The following DBNDD2 variants were observed in gnomAD, a reference collection of about 807,000 sequenced individuals.
DBNDD2 encodes dysbindin domain-containing protein 2.
A neutral mutation model predicts 14.0 loss-of-function variants in DBNDD2; 8 were observed. The observed-to-expected ratio is 0.57, with a 90% CI of 0.33 to 1.03. DBNDD2 has a LOEUF of 1.03. DBNDD2 is among the 50% of genes least tolerant of loss of function. The pLI is 0.03. For synonymous variants in DBNDD2, 94 were observed against 85.3 expected (o/e 1.10, Z -0.56); for missense variants, 194 against 206.0 (o/e 0.94, Z 0.36).
In DBNDD2 at chr20:45,408,789, C is replaced by A. The variant is rs2743272; in HGVS notation, c.140-12C>A. The A allele has an allele frequency of 1.2e-6, 2 of 1,613,432 alleles. No individual in the cohort carries two copies. Among genetic ancestry groups the A allele is most frequent in the East Asian group, 4.5e-5 (2 of 44,880 alleles). ...TTGGGTCCTCCTGACTTGCCCACTT[C>A]TTGATCCGCAGCCCCCATAGGTAGT... is the stretch of plus-strand genomic sequence containing the variant. On this transcript the variant is annotated splice_polypyrimidine_tract_variant and intron_variant, in intron 1 of 2. Transcript: ENST00000372710.
At chr20:45,407,178 G>C, upstream of DBNDD2, 1 of 428,868 alleles carries the variant, frequency 2.3e-6, no homozygotes, top group Non-Finnish European at 3.1e-6. Context: ...CGCTGCTGGA[G>C]CACAGGCTCC....
chr20:45,410,028 C>T lies in DBNDD2; in HGVS notation c.374C>T (p.Thr125Ile), dbSNP rs368669359. Residue 125 changes from threonine to isoleucine, a missense_variant, in exon 3 of 3, where the codon ACC becomes ATC. Thr to Ile is a moderately conservative substitution (Grantham distance 89). Coordinates refer to ENST00000372710, the MANE Select transcript of DBNDD2 (RefSeq NM_001048225.4). The part of the protein sequence containing the change: ...TSSSSSSDSS[T>I]NLHSPNPSDD... ...TCCTCCTCCTCCTCCGACTCCTCCA[C>T]CAACCTGCATAGCCCAAATCCAAGT... 10 of 1,552,826 alleles carry T rather than the reference C, an allele frequency of 6.4e-6. No individual in the cohort carries two copies. In the African/African-American group the frequency reaches 1.2e-4, roughly 19 times the overall value.
intron 2 of DBNDD2, 94 bp downstream of exon 2, chr20:45,409,032 C>G: frequency 6.2e-7 from 1 of 1,612,944 alleles, no homozygotes; most frequent in Admixed American, 1.7e-5. Context: ...TGGGGAAGTA[C>G]ACAAGTAAGG....
chr20:45,406,359 C>T, upstream of DBNDD2: 1 of 1,210,912 alleles, frequency 8.3e-7, no homozygotes, highest in Non-Finnish European at 1.1e-6. Context: ...GGGGCGGGGG[C>T]GCAGCAAGTG....
rs377714510 is a variant in DBNDD2, at chr20:45,408,510, C to T, written c.43C>T (p.Arg15Cys). The T allele has an allele frequency of 3.3e-5, 53 of 1,614,144 alleles. No individual in the cohort carries two copies. The highest frequency in any genetic ancestry group is 1.6e-4 in the Middle Eastern group (1 of 6,084). ...GGCCGCCCTGGAGCGCCAGCAGCTC[C>T]GCCTTCGGGAGCGGCAAAAATTCTT... Reference protein sequence around the residue: ...PRAALERQQLRLRERQKFFED... With the variant: ...PRAALERQQLCLRERQKFFED... Residue 15 changes from arginine to cysteine, a missense_variant, in exon 1 of 3, where the codon CGC becomes TGC. Physicochemically the swap from Arg to Cys is radical, Grantham distance 180. Coordinates refer to ENST00000372710, the MANE Select transcript of DBNDD2 (RefSeq NM_001048225.4).
chr20:45,406,476 G>T (rs1027078100), upstream of DBNDD2: 1 of 1,527,016 alleles, frequency 6.5e-7, no homozygotes, highest in African/African-American at 1.4e-5. Flanking sequence ...CTTTTTGACC[G>T]CCTTGGAAGT....
rs1223183512 is a variant in DBNDD2, at chr20:45,410,144, T to C, written c.*4T>C. On this transcript the variant is annotated 3_prime_UTR_variant, in exon 3 of 3. Transcript: ENST00000372710. ...AGAGCCTGGAGCCTGCAGCTAGCAG[T>C]GGGCCCCTGCCTACAGACTGACCAC... is the stretch of plus-strand genomic sequence containing the variant. The C allele has an allele frequency of 6.4e-7, 1 of 1,551,628 alleles. No homozygotes were observed. The highest frequency in any genetic ancestry group is 1.2e-5 in the South Asian group (1 of 84,064).
rs759276410 is a variant in DBNDD2 at position 45,408,484 on chromosome 20, G to A, written c.17G>A (p.Arg6Gln). The change falls in exon 1 of 3, where the codon CGG becomes CAG. Residue 6 changes from arginine (R) to glutamine (Q), a missense_variant. Physicochemically the swap from Arg to Gln is conservative, Grantham distance 43. Transcript: ENST00000372710. The part of the protein sequence containing the change: MDPNP[R>Q]AALERQQLRL... Reference sequence around the variant, plus strand: ...GGAGCTGACATGGACCCAAATCCTCGGGCCGCCCTGGAGCGCCAGCAGCTC... The same window carrying A: ...GGAGCTGACATGGACCCAAATCCTCAGGCCGCCCTGGAGCGCCAGCAGCTC... The A allele has an allele frequency of 5.6e-6, 9 of 1,614,104 alleles. No individual in the cohort carries two copies. The highest frequency in any genetic ancestry group is 2.2e-5 in the East Asian group (1 of 44,900).
intron 2 of DBNDD2, 88 bp downstream of exon 2, chr20:45,409,026 G>GA (rs1989678054): frequency 1.2e-6 from 2 of 1,613,266 alleles, no homozygotes; most frequent in South Asian, 2.2e-5. Flanking sequence ...CTGGGCTGGG[G>GA]AAGTACACAA....
At chr20:45,406,701 G>A, upstream of DBNDD2, 3 of 1,322,426 alleles carry the variant, frequency 2.3e-6, 1 homozygote, top group Non-Finnish European at 9.6e-7. Context: ...TGGAGCGGAC[G>A]GACTGAGTCA....
chr20:45,406,644 C>T (rs1009964468), upstream of DBNDD2: 246 of 1,360,356 alleles, frequency 1.8e-4, no homozygotes, highest in Admixed American at 3.7e-4. Flanking sequence ...GGCGCAGCCC[C>T]ACCCCGGCCG....
chr20:45,409,298 T>A (rs544934536), intron 2 of DBNDD2, among the ~76,000 whole-genome samples: 1 of 152,342 alleles, frequency 6.6e-6, no homozygotes, highest in East Asian at 1.9e-4. Context: ...AGTACTTTAG[T>A]AGGTTCCAAT....
At position 45,409,818 on chromosome 20, in the gene DBNDD2, T is replaced by G. The variant is rs943835016; in HGVS notation, c.278-114T>G. ...CTGGCTCTTTGCTGGATTGGCAAAGTCACTTTGGACAAGTCTCTGCCCCAC... is the reference window on the plus strand; with the variant it reads ...CTGGCTCTTTGCTGGATTGGCAAAGGCACTTTGGACAAGTCTCTGCCCCAC... On this transcript the variant is annotated intron_variant, in intron 2 of 2. Coordinates refer to ENST00000372710, the MANE Select transcript of DBNDD2 (RefSeq NM_001048225.4). 8 of 1,118,670 alleles carry G rather than the reference T, an allele frequency of 7.2e-6. No homozygotes were observed. The African/African-American group carries it at 1.3e-4, about 18-fold the overall frequency. The allele number at this position is 1,118,670 out of a possible 1,614,324, so 69.3% of individuals were successfully genotyped here. A position where few individuals can be genotyped will look rare whatever the true frequency, so the allele number is the denominator to read the frequency against.
upstream of DBNDD2, chr20:45,408,210 T>G: frequency 6.4e-7 from 1 of 1,551,182 alleles, no homozygotes. Flanking sequence ...AGTATCTCTC[T>G]TGTGGTGCCT....
At chr20:45,407,156 C>A, upstream of DBNDD2, 1 of 303,710 alleles carries the variant, frequency 3.3e-6, no homozygotes, top group Non-Finnish European at 4.8e-6. Flanking sequence ...TTGGCCTCTC[C>A]CTCCCCCTCC....
upstream of DBNDD2, chr20:45,408,033 C>G: frequency 4.9e-6 from 7 of 1,437,908 alleles, no homozygotes; most frequent in Non-Finnish European, 6.4e-6. Context: ...AACCCTCCAC[C>G]CTGAGATCTC....
At chr20:45,406,640 G>A, upstream of DBNDD2, 1 of 1,363,426 alleles carries the variant, frequency 7.3e-7, no homozygotes. Flanking sequence ...TGGAGGCGCA[G>A]CCCCACCCCG....
chr20:45,409,792 C>A, intron 2 of DBNDD2, 140 bp from the exon 3 acceptor site: 2 of 806,876 alleles, frequency 2.5e-6, no homozygotes, highest in Non-Finnish European at 4.0e-6. Flanking sequence ...TGATCTTAAT[C>A]CTGGCTCTTT....
intron 2 of DBNDD2, among the ~76,000 whole-genome samples, chr20:45,409,349 C>A (rs956415616): frequency 3.3e-5 from 5 of 152,134 alleles, no homozygotes; most frequent in African/African-American, 9.7e-5. Context: ...TCAATCCTTA[C>A]AACGTCCTGT....
Sources: gnomAD v4.1 joint callset for allele counts (sites outside exome capture counted in the v4.1 genomes callset) on GRCh38, gnomAD v4.1.1 for gene constraint, MANE v1.5 for transcripts, NCBI Gene and HGNC (gene_info 2026-07-23, HGNC 2026-07-21) for gene names.